The following NEDD4L variants were observed in gnomAD, a reference collection of about 807,000 sequenced individuals.
The protein encoded by NEDD4L is E3 ubiquitin-protein ligase NEDD4-like.
A neutral mutation model predicts 148.9 loss-of-function variants in NEDD4L; 54 were observed. The observed-to-expected ratio is 0.36, with a 90% CI of 0.29 to 0.45. The LOEUF is 0.45. NEDD4L is among the 20% of genes least tolerant of loss of function. The pLI is 1.00. For missense variants in NEDD4L, 856 were observed against 1,233.8 expected (o/e 0.69, Z 4.59); for synonymous variants, 433 against 440.7 (o/e 0.98, Z 0.22).
At chr18:58,172,679 A>G (rs894482024) in intron 2 of NEDD4L, among the ~76,000 whole-genome samples, 3 of 152,298 alleles carry the variant, frequency 2.0e-5, no homozygotes, top group East Asian at 1.9e-4. Flanking sequence ...TTGGCTGGCA[A>G]TGTGTTTGGA....
intron 2 of NEDD4L, among the ~76,000 whole-genome samples, chr18:58,242,457 T>C (rs1445001274): frequency 6.6e-6 from 1 of 152,070 alleles, no homozygotes; most frequent in Non-Finnish European, 1.5e-5. Flanking sequence ...CTGAGAGCAA[T>C]CTGGGCACCC....
At chr18:58,374,000 T>A (rs1196268067) in intron 24 of NEDD4L, among the ~76,000 whole-genome samples, 1 of 152,218 alleles carries the variant, frequency 6.6e-6, no homozygotes, top group Non-Finnish European at 1.5e-5. Context: ...TACCTGTCCT[T>A]CCGCAAAAGC....
chr18:58,287,841 C>A (rs775657443), intron 5 of NEDD4L, among the ~76,000 whole-genome samples: 43 of 152,098 alleles, frequency 2.8e-4, no homozygotes, highest in Non-Finnish European at 5.4e-4. Context: ...AAGCAAGGAG[C>A]AGAGTCCATT....
intron 2 of NEDD4L, chr18:58,227,730 T>A: frequency 5.0e-6 from 1 of 201,254 alleles, no homozygotes; most frequent in Non-Finnish European, 8.8e-6. Context: ...GTGTTCAACA[T>A]GCTGCAGTTA....
rs376904651 is a variant in NEDD4L at position 58,211,455 on chromosome 18, A to G, written c.123-33972A>G. On this transcript the variant is annotated intron_variant, in intron 2 of 30. Coordinates refer to ENST00000400345, the MANE Select transcript of NEDD4L (RefSeq NM_001144967.3). ...CAATAGCAGCAGATAACCTAGGAAG[A>G]CATTGAACTAATACCTGTAACCTTC... Among the ~76,000 whole-genome samples the G allele has an allele frequency of 2.0e-5, 3 of 152,236 alleles. No individual in the cohort carries two copies. The East Asian group carries it at 5.8e-4, about 29-fold the overall frequency.
At chr18:58,299,930 G>A (rs1001143494) in intron 5 of NEDD4L, among the ~76,000 whole-genome samples, 3 of 152,126 alleles carry the variant, frequency 2.0e-5, no homozygotes, top group African/African-American at 4.8e-5. Context: ...CCCAAGGAAC[G>A]ATCAAGAATG....
chr18:58,103,972 A>ATTCT (rs1253162445), intron 1 of NEDD4L, among the ~76,000 whole-genome samples: 3 of 152,262 alleles, frequency 2.0e-5, no homozygotes, highest in Non-Finnish European at 4.4e-5. Context: ...AAAGGATGAA[A>ATTCT]TGTATGCTTA....
chr18:58,118,836 A>C (rs1000830775), intron 1 of NEDD4L, among the ~76,000 whole-genome samples: 1 of 152,128 alleles, frequency 6.6e-6, no homozygotes, highest in African/African-American at 2.4e-5. Flanking sequence ...CATCACACTC[A>C]GTGCTGACAT....
At chr18:58,236,755 G>A (rs908296502) in intron 2 of NEDD4L, among the ~76,000 whole-genome samples, 8 of 152,170 alleles carry the variant, frequency 5.3e-5, no homozygotes, top group Non-Finnish European at 1.2e-4. Flanking sequence ...TGGGCGCTGC[G>A]GCTCACGCCT....
chr18:58,378,005 G>A (rs9319926), intron 24 of NEDD4L, among the ~76,000 whole-genome samples: 41,315 of 152,052 alleles, frequency 0.27, 5,827 homozygotes, highest in Middle Eastern at 0.35. Flanking sequence ...TCAGCCTCCC[G>A]AAGTGCTGGG....
intron 1 of NEDD4L, among the ~76,000 whole-genome samples, chr18:58,067,216 A>G (rs1018075177): frequency 1.3e-5 from 2 of 152,192 alleles, no homozygotes; most frequent in African/African-American, 2.4e-5. Flanking sequence ...TGGTCAGTTA[A>G]GCAGAATGCA....
rs576468540 is a variant in NEDD4L at position 58,044,834 on chromosome 18, G to A, written c.48+126G>A. The A allele has an allele frequency of 2.5e-5, 29 of 1,152,690 alleles. No individual in the cohort carries two copies. The East Asian group carries it at 8.6e-4, about 34-fold the overall frequency. The allele number at this position is 1,152,690 out of a possible 1,614,324, so 71.4% of individuals were successfully genotyped here. The stretch of plus-strand genomic sequence containing the variant: ...GCGTCTGCAGGGGAGCCCCAAAGCG[G>A]GAGCGCCCCGGAGCGGGATCCAGGG... On this transcript the variant is annotated intron_variant, in intron 1 of 30. Coordinates refer to ENST00000400345, the MANE Select transcript of NEDD4L (RefSeq NM_001144967.3).
intron 5 of NEDD4L, among the ~76,000 whole-genome samples, chr18:58,306,630 CT>C (rs11439150): frequency 8.1e-4 from 119 of 146,432 alleles, no homozygotes; most frequent in Admixed American, 1.1e-3. Context: ...TTTCTTTCTT[CT>C]TTTTTTTTTT....
At chr18:58,225,140 G>A (rs564304173) in intron 2 of NEDD4L, among the ~76,000 whole-genome samples, 1 of 152,144 alleles carries the variant, frequency 6.6e-6, no homozygotes, top group Non-Finnish European at 1.5e-5. Context: ...AGGGGTATTG[G>A]GGGGGAAGAG....
At chr18:58,161,659 G>A (rs1054271703) in intron 1 of NEDD4L, among the ~76,000 whole-genome samples, 22 of 152,132 alleles carry the variant, frequency 1.4e-4, no homozygotes, top group African/African-American at 4.8e-4. Flanking sequence ...ACAACTTTTG[G>A]TTTTGGATGG....
At chr18:58,339,683 A>G (rs2042189535) in intron 13 of NEDD4L, among the ~76,000 whole-genome samples, 2 of 152,122 alleles carry the variant, frequency 1.3e-5, no homozygotes, top group Non-Finnish European at 2.9e-5. Flanking sequence ...GATCTTACCC[A>G]GGTGATCTTT....
At chr18:58,328,141 T>G (rs1228286412) in intron 9 of NEDD4L, among the ~76,000 whole-genome samples, 1 of 152,102 alleles carries the variant, frequency 6.6e-6, no homozygotes, top group Non-Finnish European at 1.5e-5. Flanking sequence ...ATTTTTGTGT[T>G]TTTAGTAGAG....
chr18:58,075,634 AT>A (rs952655607), intron 1 of NEDD4L, among the ~76,000 whole-genome samples: 1 of 151,872 alleles, frequency 6.6e-6, no homozygotes, highest in Non-Finnish European at 1.5e-5. Context: ...TTTTAAGAGT[AT>A]TTTTTTCAGG....
chr18:58,345,011 A>C (rs1169256410), intron 16 of NEDD4L, among the ~76,000 whole-genome samples: 4 of 152,236 alleles, frequency 2.6e-5, no homozygotes, highest in Non-Finnish European at 5.9e-5. Flanking sequence ...TTGTATTTTA[A>C]ATTAAACAGC....
Sources: gnomAD v4.1 joint callset for allele counts (sites outside exome capture counted in the v4.1 genomes callset) on GRCh38, gnomAD v4.1.1 for gene constraint, MANE v1.5 for transcripts, NCBI Gene and HGNC (gene_info 2026-07-23, HGNC 2026-07-21) for gene names.